Variants in CAMK2D observed in about 807,000 individuals in gnomAD.
CAMK2D encodes the protein calcium/calmodulin-dependent protein kinase type II subunit delta.
CAMK2D carries 37 observed loss-of-function variants against 84.0 expected under a neutral mutation model. That is an observed-to-expected ratio of 0.44 (90% confidence interval 0.34 to 0.58). The LOEUF (loss-of-function observed/expected upper bound fraction) is 0.58, where lower values mean the gene tolerates loss of function less well. Among genes scored for constraint, CAMK2D ranks in the 20% least tolerant of loss-of-function variants. CAMK2D has a pLI of 0.02. For missense variants in CAMK2D, 448 were observed against 652.5 expected (o/e 0.69, Z 3.41); for synonymous variants, 202 against 212.5 (o/e 0.95, Z 0.43).
At position 113,639,598 on chromosome 4, in the gene CAMK2D, A is replaced by G. The variant is rs558946494; in HGVS notation, c.220+22115T>C. 7.9e-5 allele frequency among the ~76,000 whole-genome samples: 12 copies of G among 152,204 alleles called. No homozygotes were observed. The East Asian group carries it at 2.3e-3, about 29-fold the overall frequency. ...AGAATACCAATTAGGGGCATCAGGG[A>G]AGGCTGGGGGGTGATGCCAAAGATG... On this transcript the variant is annotated intron_variant, in intron 3 of 20. Coordinates refer to ENST00000511664, the MANE Select transcript of CAMK2D (RefSeq NM_001321571.2).
chr4:113,554,527 C>T (rs1303227921), intron 4 of CAMK2D, among the ~76,000 whole-genome samples: 1 of 152,114 alleles, frequency 6.6e-6, no homozygotes, highest in African/African-American at 2.4e-5. Flanking sequence ...AACATTCTCT[C>T]TCCTAGTATT....
At chr4:113,648,390 T>C (rs754027600) in intron 3 of CAMK2D, among the ~76,000 whole-genome samples, 2 of 152,260 alleles carry the variant, frequency 1.3e-5, no homozygotes, top group Non-Finnish European at 2.9e-5. Flanking sequence ...CTTGGTAATA[T>C]ACTGTTGGGC....
chr4:113,530,951 G>T (rs2098454109), intron 8 of CAMK2D, among the ~76,000 whole-genome samples: 1 of 152,144 alleles, frequency 6.6e-6, no homozygotes, highest in Non-Finnish European at 1.5e-5. Flanking sequence ...ATGCATGGTT[G>T]CACGTGCCTG....
chr4:113,709,746 GATATATATATATATATAT>G lies in CAMK2D; in HGVS notation c.161-47992_161-47975del, dbSNP rs397995032. ...GAGTGAAAAGCTAAAAGCCGTGAAC[GATATATATATATATATAT>G]ATATATATATATATATATGAGAGAC... On this transcript the variant is annotated intron_variant, in intron 2 of 20. Coordinates refer to ENST00000511664, the MANE Select transcript of CAMK2D (RefSeq NM_001321571.2). Among the ~76,000 whole-genome samples the G allele has an allele frequency of 1.1e-3, 55 of 49,806 alleles. 5 individuals are homozygous for G. The highest frequency in any genetic ancestry group is 3.1e-3 in the Admixed American group (11 of 3,586). The allele number at this position is 49,806 out of a possible 152,430, so 32.7% of individuals were successfully genotyped here. A position where few individuals can be genotyped will look rare whatever the true frequency, so the allele number is the denominator to read the frequency against.
intron 3 of CAMK2D, among the ~76,000 whole-genome samples, chr4:113,658,747 C>T (rs7680434): frequency 0.22 from 33,473 of 152,066 alleles, 6,821 homozygotes; most frequent in African/African-American, 0.53. Context: ...GCCAGTGTTA[C>T]AATTTTTGAG....
chr4:113,513,375 GA>G lies in CAMK2D; in HGVS notation c.904-6del, dbSNP rs755187680. 6.2e-7 allele frequency: 1 copy of G among 1,605,892 alleles called. No individual in the cohort carries two copies. On this transcript the variant is annotated splice_polypyrimidine_tract_variant and splice_region_variant and intron_variant, in intron 11 of 20. Transcript: ENST00000511664. Reference sequence around the variant, plus strand: ...CATAGTTGTCAAGATGGCACCCTGTGAAAAAAATTAGAACACAAAAGTCAGT... The same window carrying G: ...CATAGTTGTCAAGATGGCACCCTGTGAAAAAATTAGAACACAAAAGTCAGT...
At chr4:113,728,389 G>C (rs182270926) in intron 2 of CAMK2D, among the ~76,000 whole-genome samples, 14 of 152,250 alleles carry the variant, frequency 9.2e-5, no homozygotes, top group Non-Finnish European at 1.8e-4. Flanking sequence ...CCATTCACAT[G>C]AAGTCCAAGA....
intron 4 of CAMK2D, among the ~76,000 whole-genome samples, chr4:113,570,250 AT>A (rs200818699): frequency 1.3e-5 from 2 of 152,014 alleles, no homozygotes; most frequent in Non-Finnish European, 2.9e-5. Context: ...TTCTAACAGT[AT>A]TTTTTTTCAC....
At chr4:113,533,469 A>T (rs1025749534) in intron 7 of CAMK2D, among the ~76,000 whole-genome samples, 1 of 152,134 alleles carries the variant, frequency 6.6e-6, no homozygotes, top group Non-Finnish European at 1.5e-5. Flanking sequence ...TAGGGATAGC[A>T]TATGTTTCTT....
At chr4:113,528,637 G>A (rs1325406656) in intron 8 of CAMK2D, among the ~76,000 whole-genome samples, 1 of 151,772 alleles carries the variant, frequency 6.6e-6, no homozygotes, top group East Asian at 1.9e-4. Flanking sequence ...TAGTGTTCAA[G>A]GTCCAAATGC....
intron 3 of CAMK2D, among the ~76,000 whole-genome samples, chr4:113,656,674 C>T (rs2099202019): frequency 6.6e-6 from 1 of 152,108 alleles, no homozygotes; most frequent in African/African-American, 2.4e-5. Context: ...AGTCCATCTA[C>T]TGGTTTCCCT....
chr4:113,665,890 C>T (rs371598899), intron 2 of CAMK2D, among the ~76,000 whole-genome samples: 3 of 152,200 alleles, frequency 2.0e-5, no homozygotes, highest in South Asian at 4.1e-4. Context: ...ATGAAGTCAG[C>T]GGGGGAATAA....
chr4:113,503,174 C>A, intron 14 of CAMK2D, 197 bp from the exon 15 acceptor site: 2 of 722,996 alleles, frequency 2.8e-6, no homozygotes, highest in Admixed American at 3.7e-5. Context: ...GAGATAGGAA[C>A]CTCCCTACCC....
intron 2 of CAMK2D, among the ~76,000 whole-genome samples, chr4:113,686,441 T>C (rs974802193): frequency 6.6e-6 from 1 of 152,220 alleles, no homozygotes; most frequent in Admixed American, 6.5e-5. Flanking sequence ...TCTGCTTTGC[T>C]AGCAACAAAA....
intron 2 of CAMK2D, among the ~76,000 whole-genome samples, chr4:113,736,946 T>G (rs562981915): frequency 7.2e-5 from 11 of 152,304 alleles, no homozygotes; most frequent in Admixed American, 5.9e-4. Context: ...AAGAATTCCA[T>G]CTTTCCCTTC....
chr4:113,535,602 G>A (rs868256994), intron 7 of CAMK2D, among the ~76,000 whole-genome samples: 2 of 152,054 alleles, frequency 1.3e-5, no homozygotes, highest in Non-Finnish European at 2.9e-5. Flanking sequence ...CTACTCACTC[G>A]AGTATACTTT....
chr4:113,497,331 T>C (rs952676041), intron 16 of CAMK2D, among the ~76,000 whole-genome samples: 9 of 152,144 alleles, frequency 5.9e-5, no homozygotes, highest in African/African-American at 2.2e-4. Context: ...AGAGAAGGGA[T>C]TCAATAAATA....
At chr4:113,504,865 G>A (rs1237069104) in intron 14 of CAMK2D, 111 bp downstream of exon 14, 12 of 344,974 alleles carry the variant, frequency 3.5e-5, no homozygotes, top group Admixed American at 5.0e-5. Context: ...AACACCCAAC[G>A]AAATAAAATA....
chr4:113,705,326 CAAA>C (rs34325573), intron 2 of CAMK2D, among the ~76,000 whole-genome samples: 2 of 91,116 alleles, frequency 2.2e-5, no homozygotes. Context: ...GACTCCATCT[CAAA>C]AAAAAAAAAA....
Sources: gnomAD v4.1 joint callset for allele counts (sites outside exome capture counted in the v4.1 genomes callset) on GRCh38, gnomAD v4.1.1 for gene constraint, MANE v1.5 for transcripts, NCBI Gene and HGNC (gene_info 2026-07-23, HGNC 2026-07-21) for gene names.